PRKCE: variants seen among roughly 807,000 people sequenced by gnomAD.
PRKCE encodes the protein protein kinase C epsilon, also known as protein kinase C epsilon type.
In PRKCE, 16 loss-of-function variants were observed where a neutral mutation model predicts 85.4. The ratio of observed to expected loss-of-function variants is 0.19; its 90% CI spans 0.13 to 0.28. The LOEUF (loss-of-function observed/expected upper bound fraction) is 0.28, where lower values mean the gene tolerates loss of function less well. Ranked by LOEUF, PRKCE falls within the 10% of genes least tolerant of loss-of-function variation. The pLI is 1.00. For synonymous variants in PRKCE, 388 were observed against 371.5 expected, an observed-to-expected ratio of 1.04 and a Z score of -0.51; for missense variants, 573 against 975.2, an observed-to-expected ratio of 0.59 and a Z score of 5.49.
At position 45,908,974 on chromosome 2, in the gene PRKCE, C is replaced by T. The variant is rs752525135; in HGVS notation, c.412+65911C>T. On this transcript the variant is annotated intron_variant, in intron 2 of 14. Coordinates refer to ENST00000306156, the MANE Select transcript of PRKCE (RefSeq NM_005400.3). ...TGTCTAATCGATTGGCCACTCTTTG[C>T]GCCACATAAAAATGCGTGACTGAGC... Among the ~76,000 whole-genome samples the T allele has an allele frequency of 3.9e-5, 6 of 152,288 alleles. No individual in the cohort carries two copies. In the South Asian group the frequency reaches 6.2e-4, roughly 16 times the overall value.
intron 6 of PRKCE, among the ~76,000 whole-genome samples, chr2:45,985,654 C>T (rs61756870): frequency 0.029 from 4,481 of 152,128 alleles, 99 homozygotes; most frequent in Non-Finnish European, 0.047. Context: ...ATCAGGGCTG[C>T]AGTGGGAATG....
intron 1 of PRKCE, among the ~76,000 whole-genome samples, chr2:45,800,981 G>C (rs558776123): frequency 1.3e-5 from 2 of 152,316 alleles, no homozygotes; most frequent in African/African-American, 2.4e-5. Flanking sequence ...AGTTGCCTGG[G>C]AAAGATTCCT....
At chr2:45,728,503 TTG>T (rs1269663471) in intron 1 of PRKCE, among the ~76,000 whole-genome samples, 2 of 152,082 alleles carry the variant, frequency 1.3e-5, no homozygotes, top group Non-Finnish European at 2.9e-5. Flanking sequence ...GCTGCTTGCT[TTG>T]AGGGTGGTGC....
At chr2:45,834,593 T>C (rs1487757489) in intron 1 of PRKCE, among the ~76,000 whole-genome samples, 1 of 113,738 alleles carries the variant, frequency 8.8e-6, no homozygotes, top group Non-Finnish European at 1.8e-5. Flanking sequence ...CATGTGTGTA[T>C]GTGTGTGTGT....
rs574847773 is a variant in PRKCE at position 45,909,474 on chromosome 2, G to A, written c.412+66411G>A. On this transcript the variant is annotated intron_variant, in intron 2 of 14. Coordinates refer to ENST00000306156, the MANE Select transcript of PRKCE (RefSeq NM_005400.3). ...GTTGTTAAGGGGTGGCCAGCCTATA[G>A]CTAAGCTAAGACTATTCCTGAAATG... Among the ~76,000 whole-genome samples the A allele has an allele frequency of 3.9e-5, 6 of 152,320 alleles. No homozygotes were observed. The East Asian group carries it at 9.6e-4, about 24-fold the overall frequency.
intron 14 of PRKCE, among the ~76,000 whole-genome samples, chr2:46,163,671 C>A (rs1296897455): frequency 6.8e-6 from 1 of 146,288 alleles, no homozygotes; most frequent in African/African-American, 2.6e-5. Context: ...GCACACCCCA[C>A]AGAGGCCACT....
intron 10 of PRKCE, among the ~76,000 whole-genome samples, chr2:46,054,892 C>A (rs1376568678): frequency 6.6e-6 from 1 of 152,128 alleles, no homozygotes; most frequent in African/African-American, 2.4e-5. Context: ...TGGAGAGAAG[C>A]AGCTTGACTT....
intron 1 of PRKCE, among the ~76,000 whole-genome samples, chr2:45,696,195 A>G (rs1678137577): frequency 6.7e-6 from 1 of 148,150 alleles, no homozygotes; most frequent in Non-Finnish European, 1.5e-5. Context: ...GCCTCAAGTG[A>G]TCCTTTCACC....
intron 2 of PRKCE, among the ~76,000 whole-genome samples, chr2:45,917,575 T>G (rs1261626753): frequency 6.6e-6 from 1 of 152,196 alleles, no homozygotes; most frequent in Non-Finnish European, 1.5e-5. Context: ...GTTCTCCACG[T>G]CCCCACCAGA....
intron 10 of PRKCE, 113 bp from the exon 11 acceptor site, chr2:46,086,095 G>A: frequency 1.8e-6 from 2 of 1,131,164 alleles, no homozygotes; most frequent in Non-Finnish European, 2.5e-6. Context: ...ACCCACCTTT[G>A]AGGCTTCTTC....
chr2:46,187,979 C>T lies in PRKCE; in HGVS notation c.*3098C>T, dbSNP rs13843. 7.9e-5 allele frequency: 12 copies of T among 152,676 alleles called. No homozygotes were observed. In the East Asian group the frequency reaches 1.7e-3, roughly 22 times the overall value. The allele number at this position is 152,676 out of a possible 1,614,324, so 9.5% of individuals were successfully genotyped here. ...TTTCAGAACCTAATAAATACAATGA[C>T]GTTAAGTCTTATTTTCAGTGCCAAT... On this transcript the variant is annotated 3_prime_UTR_variant, in exon 15 of 15. Transcript: ENST00000306156.
chr2:45,958,404 G>T lies in PRKCE; in HGVS notation c.413-18025G>T, dbSNP rs546853888. 1.6e-3 allele frequency among the ~76,000 whole-genome samples: 245 copies of T among 151,178 alleles called. 4 individuals are homozygous for T. The highest frequency in any genetic ancestry group is 0.016 in the Admixed American group (243 of 15,210). ...GGCGCCTGTAGTCCCAGCTATTTGG[G>T]AGGTTGAGGCAGGAGAATGGCATGA... On this transcript the variant is annotated intron_variant, in intron 2 of 14. Transcript: ENST00000306156.
intron 1 of PRKCE, among the ~76,000 whole-genome samples, chr2:45,715,717 G>A (rs921702046): frequency 6.6e-6 from 1 of 152,178 alleles, no homozygotes; most frequent in Admixed American, 6.5e-5. Flanking sequence ...TTATCTGTGG[G>A]TGGATTCTGA....
chr2:45,889,952 C>G (rs1262174750), intron 2 of PRKCE, among the ~76,000 whole-genome samples: 1 of 152,188 alleles, frequency 6.6e-6, no homozygotes. Flanking sequence ...TGGTCAGTCC[C>G]TTATTGAAGT....
intron 10 of PRKCE, among the ~76,000 whole-genome samples, chr2:46,020,814 A>G (rs1706585938): frequency 6.6e-6 from 1 of 152,244 alleles, no homozygotes; most frequent in South Asian, 2.1e-4. Context: ...GTAACTTAGA[A>G]TAAAGACAGT....
intron 11 of PRKCE, among the ~76,000 whole-genome samples, chr2:46,123,480 GTTTCTTTCTTCC>G (rs1027401804): frequency 6.6e-6 from 1 of 151,758 alleles, no homozygotes; most frequent in Non-Finnish European, 1.5e-5. Context: ...AACTTTATGG[GTTTCTTTCTTCC>G]TTTCTTTCTT....
At chr2:45,903,556 T>C (rs73926108) in intron 2 of PRKCE, among the ~76,000 whole-genome samples, 2,243 of 152,344 alleles carry the variant, frequency 0.015, 55 homozygotes, top group African/African-American at 0.051. Flanking sequence ...AATATTTTGG[T>C]ATAACTATGT....
chr2:45,884,672 C>T (rs764472415), intron 2 of PRKCE, among the ~76,000 whole-genome samples: 1 of 152,108 alleles, frequency 6.6e-6, no homozygotes, highest in Non-Finnish European at 1.5e-5. Context: ...CAACAATGAG[C>T]TCTTTAGAGT....
At chr2:45,899,837 C>T (rs972444048) in intron 2 of PRKCE, among the ~76,000 whole-genome samples, 2 of 152,246 alleles carry the variant, frequency 1.3e-5, no homozygotes, top group African/African-American at 4.8e-5. Flanking sequence ...CCTGACACCA[C>T]CTGGGGAGAA....
Sources: gnomAD v4.1 joint callset for allele counts (sites outside exome capture counted in the v4.1 genomes callset) on GRCh38, gnomAD v4.1.1 for gene constraint, MANE v1.5 for transcripts, NCBI Gene and HGNC (gene_info 2026-07-23, HGNC 2026-07-21) for gene names.